DEFB110: variants seen among roughly 807,000 people sequenced by gnomAD.
DEFB110 encodes beta-defensin 110.
Under a neutral mutation model 2.5 loss-of-function variants are expected in DEFB110, and 4 were observed. The observed-to-expected ratio is 1.60, with a 90% CI of 0.79 to 3.66. DEFB110 has a LOEUF of 3.66. Ranked by LOEUF, DEFB110 falls within the 30% of genes most tolerant of loss-of-function variation. The probability of loss-of-function intolerance (pLI) is 0.01; values close to 1 mark genes in which losing one functional copy is unlikely to be tolerated. For missense variants in DEFB110, 94 were observed against 75.4 expected (o/e 1.25, Z -0.91); for synonymous variants, 29 against 21.8 (o/e 1.33, Z -0.92).
At chr6:50,012,789 C>T (rs1774248799) in intron 1 of DEFB110, among the ~76,000 whole-genome samples, 2 of 151,762 alleles carry the variant, frequency 1.3e-5, no homozygotes, top group Admixed American at 1.3e-4. Context: ...AAATATGTTG[C>T]ACTTGGTCCT....
At chr6:50,018,363 C>T (rs560971862), downstream of DEFB110, among the ~76,000 whole-genome samples, 1 of 152,034 alleles carries the variant, frequency 6.6e-6, no homozygotes, top group African/African-American at 2.4e-5. Flanking sequence ...TTTCTTTTTA[C>T]TACCTCTCAT....
downstream of DEFB110, chr6:50,018,767 TA>T: frequency 1.6e-6 from 2 of 1,227,468 alleles, no homozygotes; most frequent in East Asian, 6.7e-5. Context: ...TAAGTCCTGC[TA>T]CTTCTGGTAC....
chr6:50,017,023 A>G (rs1303071929), downstream of DEFB110, among the ~76,000 whole-genome samples: 3 of 151,710 alleles, frequency 2.0e-5, no homozygotes, highest in African/African-American at 4.8e-5. Flanking sequence ...TTTTCCCCAT[A>G]TTAATAGTAT....
intron 1 of DEFB110, among the ~76,000 whole-genome samples, chr6:50,012,901 G>A (rs1244695685): frequency 1.3e-5 from 2 of 151,718 alleles, no homozygotes; most frequent in African/African-American, 2.4e-5. Context: ...GAAAAAAAAT[G>A]CATCACTTTT....
intron 1 of DEFB110, among the ~76,000 whole-genome samples, chr6:50,009,699 A>G (rs1774194814): frequency 6.6e-6 from 1 of 152,194 alleles, no homozygotes; most frequent in African/African-American, 2.4e-5. Flanking sequence ...GGTCACACAA[A>G]TAGTAATCAT....
At chr6:50,012,374 A>G (rs1198579285) in intron 1 of DEFB110, among the ~76,000 whole-genome samples, 3 of 151,962 alleles carry the variant, frequency 2.0e-5, no homozygotes, top group Non-Finnish European at 4.4e-5. Context: ...AATAAGATAA[A>G]TAACTGAAAA....
downstream of DEFB110, among the ~76,000 whole-genome samples, chr6:50,013,940 G>T (rs1442266769): frequency 6.6e-6 from 1 of 151,802 alleles, no homozygotes; most frequent in Non-Finnish European, 1.5e-5. Context: ...AAGGAATTTG[G>T]AGGCTATCCA....
At chr6:50,009,665 A>T (rs566274528) in intron 1 of DEFB110, among the ~76,000 whole-genome samples, 214 of 152,274 alleles carry the variant, frequency 1.4e-3, no homozygotes, top group Non-Finnish European at 2.6e-3. Context: ...TTGATTCTTT[A>T]TCTCTTTCCT....
chr6:50,016,748 G>A (rs1774323935), downstream of DEFB110, among the ~76,000 whole-genome samples: 1 of 151,628 alleles, frequency 6.6e-6, no homozygotes, highest in Non-Finnish European at 1.5e-5. Flanking sequence ...TAATTTTGAG[G>A]TTGATGCACG....
intron 1 of DEFB110, among the ~76,000 whole-genome samples, chr6:50,010,880 T>C (rs896005828): frequency 2.6e-5 from 4 of 151,682 alleles, no homozygotes; most frequent in African/African-American, 4.8e-5. Context: ...TTTTAAGATA[T>C]ATTCAAATTA....
At chr6:50,009,980 G>C (rs117600817) in intron 1 of DEFB110, among the ~76,000 whole-genome samples, 2 of 152,034 alleles carry the variant, frequency 1.3e-5, no homozygotes, top group East Asian at 3.9e-4. Flanking sequence ...AAATTATTTT[G>C]TTACTTTAAA....
chr6:50,011,047 T>A (rs937584647), intron 1 of DEFB110, among the ~76,000 whole-genome samples: 2 of 151,948 alleles, frequency 1.3e-5, no homozygotes, highest in South Asian at 4.1e-4. Context: ...ATTGGTTCTA[T>A]TGCTTATAAT....
At chr6:50,021,346 G>C (rs1212559223) in intron 1 of DEFB110, among the ~76,000 whole-genome samples, 1 of 152,176 alleles carries the variant, frequency 6.6e-6, no homozygotes, top group Non-Finnish European at 1.5e-5. Context: ...GACGTTGCCT[G>C]ATGTTCCCTT....
chr6:50,015,699 C>A (rs1159846450), downstream of DEFB110, among the ~76,000 whole-genome samples: 1 of 151,628 alleles, frequency 6.6e-6, no homozygotes, highest in Non-Finnish European at 1.5e-5. Context: ...TATTTGTATC[C>A]ACTCACTATA....
intron 1 of DEFB110, among the ~76,000 whole-genome samples, chr6:50,013,767 C>A (rs1774269824): frequency 6.6e-6 from 1 of 151,826 alleles, no homozygotes; most frequent in South Asian, 2.1e-4. Context: ...CATAGAGAAG[C>A]AATGACCAGA....
chr6:50,020,867 A>G (rs1243689698), intron 1 of DEFB110, among the ~76,000 whole-genome samples: 5 of 152,220 alleles, frequency 3.3e-5, no homozygotes, highest in Non-Finnish European at 5.9e-5. Context: ...AGTTATTATT[A>G]TCAAACCCAT....
In DEFB110 at chr6:50,021,920, A is replaced by C; in HGVS notation, c.16T>G (p.Phe6Val). 1 of 1,563,362 alleles carries C rather than the reference A, an allele frequency of 6.4e-7. No individual in the cohort carries two copies. Among genetic ancestry groups the C allele is most frequent in the Non-Finnish European group, 8.6e-7 (1 of 1,162,860 alleles). MKIQL[F>V]FFILHFWVTI... ...ACCCAAAAGTGCAGAATAAAGAAAA[A>C]AAGTTGAATCTTCATGGTAGAGAGT... Residue 6 changes from phenylalanine (F) to valine (V), a missense_variant, in exon 1 of 2, where the codon TTT becomes GTT. By Grantham distance (50) the Phe-to-Val change is conservative. Transcript: ENST00000371148.
chr6:50,013,611 A>G (rs1774267835), intron 1 of DEFB110, among the ~76,000 whole-genome samples: 1 of 151,844 alleles, frequency 6.6e-6, no homozygotes, highest in South Asian at 2.1e-4. Flanking sequence ...AAGTTTATTA[A>G]AACAGTCTAA....
chr6:50,010,525 A>T (rs1774209783), intron 1 of DEFB110, among the ~76,000 whole-genome samples: 1 of 121,658 alleles, frequency 8.2e-6, no homozygotes, highest in South Asian at 2.3e-4. Context: ...TAACATGTTA[A>T]TATATATATA....
Sources: allele counts gnomAD v4.1 joint callset (sites outside exome capture counted in the v4.1 genomes callset), GRCh38; gene constraint gnomAD v4.1.1; transcripts MANE v1.5; gene names NCBI Gene and HGNC (gene_info 2026-07-23, HGNC 2026-07-21).